The following PIK3C2G variants were observed in gnomAD, a reference collection of about 807,000 sequenced individuals.
PIK3C2G encodes phosphatidylinositol 3-kinase C2 domain-containing subunit gamma.
In PIK3C2G, 168 loss-of-function variants were observed where a neutral mutation model predicts 181.1. That is an observed-to-expected ratio of 0.93 (90% CI 0.82 to 1.05). The LOEUF (loss-of-function observed/expected upper bound fraction) is 1.05. Ranked by LOEUF, PIK3C2G falls within the 50% of genes least tolerant of loss-of-function variation. The pLI is 0.00. For synonymous variants in PIK3C2G, 573 were observed against 592.2 expected (o/e 0.97, Z 0.47); for missense variants, 1,869 against 1,732.8 (o/e 1.08, Z -1.40).
chr12:18,615,377 A>ATG (rs1565565164), intron 31 of PIK3C2G, among the ~76,000 whole-genome samples: 26 of 111,712 alleles, frequency 2.3e-4, no homozygotes, highest in African/African-American at 7.9e-4. Flanking sequence ...GTGTATGTGT[A>ATG]TATATATATA....
chr12:18,648,926 A>C (rs1305681643), downstream of PIK3C2G, among the ~76,000 whole-genome samples: 1 of 151,982 alleles, frequency 6.6e-6, no homozygotes, highest in Non-Finnish European at 1.5e-5. Flanking sequence ...TGCTTATTCA[A>C]TGTTTCCCTG....
At chr12:18,513,056 T>C (rs562086358) in intron 24 of PIK3C2G, among the ~76,000 whole-genome samples, 1 of 151,996 alleles carries the variant, frequency 6.6e-6, no homozygotes, top group South Asian at 2.1e-4. Context: ...GATGATGATG[T>C]TATTTTTATC....
chr12:18,453,125 A>AT (rs1257502886), intron 18 of PIK3C2G, among the ~76,000 whole-genome samples: 3 of 151,988 alleles, frequency 2.0e-5, no homozygotes, highest in African/African-American at 7.2e-5. Flanking sequence ...ATTCTTACTA[A>AT]TTTTCTGCCT....
At chr12:18,395,628 T>C (rs1435309565) in intron 15 of PIK3C2G, among the ~76,000 whole-genome samples, 5 of 150,652 alleles carry the variant, frequency 3.3e-5, no homozygotes, top group African/African-American at 1.2e-4. Context: ...CATTTACACA[T>C]TTATTAATTT....
the PIK3C2G span, chr12:18,684,051 G>T: frequency 1.4e-6 from 2 of 1,468,846 alleles, no homozygotes; most frequent in Non-Finnish European, 1.9e-6. Flanking sequence ...AGAGCTATTT[G>T]GTATGTCAAA....
chr12:18,655,886 T>G, the PIK3C2G span, among the ~76,000 whole-genome samples: 1 of 152,126 alleles, frequency 6.6e-6, no homozygotes. Context: ...AAGAGGAGCT[T>G]CAGGAGACAT....
the PIK3C2G span, chr12:18,683,435 A>T: frequency 6.9e-7 from 1 of 1,444,938 alleles, no homozygotes; most frequent in Non-Finnish European, 9.6e-7. Flanking sequence ...AAAAACCATG[A>T]CTATAGAGTT....
the PIK3C2G span, among the ~76,000 whole-genome samples, chr12:18,705,489 A>C: frequency 6.6e-6 from 1 of 152,198 alleles, no homozygotes; most frequent in African/African-American, 2.4e-5. Flanking sequence ...GAGACCATTA[A>C]ATCTGCATAA....
downstream of PIK3C2G, among the ~76,000 whole-genome samples, chr12:18,653,192 G>A (rs933960047): frequency 2.0e-5 from 3 of 152,060 alleles, no homozygotes; most frequent in African/African-American, 4.8e-5. Context: ...CCCAGCATTG[G>A]CAGCATGGTT....
the PIK3C2G span, chr12:18,693,661 T>A: frequency 6.4e-7 from 1 of 1,565,638 alleles, no homozygotes; most frequent in Non-Finnish European, 8.8e-7. Flanking sequence ...CAAAAAGATA[T>A]GACTCCAATT....
At chr12:18,251,848 TAAG>T (rs1309499895) in intron 1 of PIK3C2G, among the ~76,000 whole-genome samples, 1 of 152,054 alleles carries the variant, frequency 6.6e-6, no homozygotes, top group Non-Finnish European at 1.5e-5. Context: ...TAATTTATCT[TAAG>T]AAGAAAGGAA....
At chr12:18,584,147 C>A (rs1946650383) in intron 29 of PIK3C2G, among the ~76,000 whole-genome samples, 1 of 151,658 alleles carries the variant, frequency 6.6e-6, no homozygotes, top group Non-Finnish European at 1.5e-5. Context: ...CCTGCCCCAG[C>A]CTCCTGAGTA....
intron 18 of PIK3C2G, among the ~76,000 whole-genome samples, chr12:18,428,832 T>C (rs1344602879): frequency 1.3e-5 from 2 of 152,190 alleles, no homozygotes; most frequent in Non-Finnish European, 2.9e-5. Flanking sequence ...AAAAGGTGGC[T>C]ATAAATGGGA....
chr12:18,577,926 A>G (rs1946314047), intron 29 of PIK3C2G, among the ~76,000 whole-genome samples: 2 of 152,204 alleles, frequency 1.3e-5, no homozygotes, highest in South Asian at 4.1e-4. Flanking sequence ...TGCCACATTG[A>G]AAATCACTGT....
chr12:18,381,738 CTG>C (rs761371594), intron 13 of PIK3C2G, 26 bp from the exon 14 acceptor site: 8,430 of 1,139,502 alleles, frequency 7.4e-3, no homozygotes, highest in Non-Finnish European at 8.5e-3. Flanking sequence ...TGACTCCTGT[CTG>C]TGTGTGTGTG....
chr12:18,264,925 T>G (rs1283334202), intron 1 of PIK3C2G, among the ~76,000 whole-genome samples: 1 of 152,226 alleles, frequency 6.6e-6, no homozygotes, highest in East Asian at 1.9e-4. Context: ...TGTAGAAGCC[T>G]GCATGGGGCA....
At chr12:18,539,308 C>T (rs1241904010) in intron 25 of PIK3C2G, among the ~76,000 whole-genome samples, 2 of 151,866 alleles carry the variant, frequency 1.3e-5, no homozygotes, top group Non-Finnish European at 2.9e-5. Context: ...GAATTCTTTG[C>T]ATGGCCCAGG....
rs1222905234 is a variant in PIK3C2G at position 18,566,938 on chromosome 12, T to C, written c.3903-11T>C. 4 of 1,453,504 alleles carry C rather than the reference T, an allele frequency of 2.8e-6. No homozygotes were observed. In the East Asian group the frequency reaches 9.1e-5, roughly 33 times the overall value. The allele number at this position is 1,453,504 out of a possible 1,614,324, so 90.0% of individuals were successfully genotyped here. A position where few individuals can be genotyped will look rare whatever the true frequency, so the allele number is the denominator to read the frequency against. On this transcript the variant is annotated splice_polypyrimidine_tract_variant and intron_variant, in intron 28 of 32. Transcript: ENST00000538779. ...AACTAATGAAGATAACTTTTTTTTC[T>C]CTTAAAACAGGTTTCCTCATTGGTG...
At chr12:18,519,244 T>C (rs1211091575) in intron 24 of PIK3C2G, among the ~76,000 whole-genome samples, 1 of 152,212 alleles carries the variant, frequency 6.6e-6, no homozygotes, top group East Asian at 1.9e-4. Context: ...GTCTGTTAGG[T>C]CCACTTGATC....
Sources: gnomAD v4.1 joint callset for allele counts (sites outside exome capture counted in the v4.1 genomes callset) on GRCh38, gnomAD v4.1.1 for gene constraint, MANE v1.5 for transcripts, NCBI Gene and HGNC (gene_info 2026-07-23, HGNC 2026-07-21) for gene names.